RBX1: variants seen among roughly 807,000 people sequenced by gnomAD.
RBX1 encodes ring-box 1.
For missense variants in RBX1, 46 were observed against 141.4 expected (o/e 0.33, Z 3.42); for synonymous variants, 48 against 47.9 (o/e 1.00, Z -0.01).
Position 40,953,590 on chromosome 22 carries a change from G to A in RBX1, c.114G>A (p.Val38=). 6.2e-7 allele frequency: 1 copy of A among 1,611,270 alleles called. No individual in the cohort carries two copies. Among genetic ancestry groups the A allele is most frequent in the Non-Finnish European group, 8.5e-7 (1 of 1,177,922 alleles). The change falls in exon 2 of 5, where the codon GTG becomes GTA. Residue 38 remains valine (V), a synonymous_variant. Transcript: ENST00000216225. ...NAVALWAWDI[V]VDNCAICRNH... ...TAGCCCTCTGGGCCTGGGATATTGT[G>A]GTTGATAACTGTGCCATCTGCAGGA...
At chr22:40,965,431 T>G in intron 3 of RBX1, among the ~76,000 whole-genome samples, 1 of 151,506 alleles carries the variant, frequency 6.6e-6, no homozygotes, top group Non-Finnish European at 1.5e-5. Flanking sequence ...TGTTTTTTTT[T>G]TTGTTTTTTG....
chr22:40,957,586 C>A (rs558761283), intron 2 of RBX1, among the ~76,000 whole-genome samples: 1 of 151,992 alleles, frequency 6.6e-6, no homozygotes, highest in Admixed American at 6.5e-5. Context: ...GACAGTGAGT[C>A]AAGATTTTGC....
At chr22:40,966,002 C>G (rs1352396157) in intron 3 of RBX1, among the ~76,000 whole-genome samples, 1 of 152,150 alleles carries the variant, frequency 6.6e-6, no homozygotes, top group Non-Finnish European at 1.5e-5. Flanking sequence ...AGAGAGCCAG[C>G]ATGGTGTGGC....
At chr22:40,959,791 G>T (rs906933039) in intron 2 of RBX1, among the ~76,000 whole-genome samples, 4 of 151,800 alleles carry the variant, frequency 2.6e-5, no homozygotes, top group Admixed American at 2.6e-4. Context: ...GGCCTGGGGG[G>T]ACAAAGCTAG....
intron 2 of RBX1, among the ~76,000 whole-genome samples, chr22:40,955,215 T>C (rs976412411): frequency 2.0e-5 from 3 of 152,108 alleles, no homozygotes; most frequent in Non-Finnish European, 4.4e-5. Flanking sequence ...CCAATCTGAA[T>C]GTAAGCCAGT....
chr22:40,951,554 C>A lies in RBX1; in HGVS notation c.78+78C>A, dbSNP rs2058310364. 4.3e-6 allele frequency: 6 copies of A among 1,398,512 alleles called. No homozygotes were observed. The South Asian group carries it at 7.3e-5, about 17-fold the overall frequency. The allele number at this position is 1,398,512 out of a possible 1,614,324, so 86.6% of individuals were successfully genotyped here. ...CTGGCAGGCCCGAGGATGGTCGAGG[C>A]GCGGAGTAAAGGGTTTCATTTCAGG... On this transcript the variant is annotated intron_variant, in intron 1 of 4. Coordinates refer to ENST00000216225, the MANE Select transcript of RBX1 (RefSeq NM_014248.4).
At chr22:40,961,650 C>T (rs2058340781) in intron 2 of RBX1, among the ~76,000 whole-genome samples, 2 of 151,982 alleles carry the variant, frequency 1.3e-5, no homozygotes, top group Non-Finnish European at 2.9e-5. Context: ...GTGACCCACC[C>T]GCCTCAGCCT....
At chr22:40,953,887 A>G (rs532953166) in intron 2 of RBX1, among the ~76,000 whole-genome samples, 2 of 152,346 alleles carry the variant, frequency 1.3e-5, no homozygotes, top group Admixed American at 6.5e-5. Flanking sequence ...ATTGTGGACG[A>G]CAGGCACTGT....
intron 4 of RBX1, among the ~76,000 whole-genome samples, chr22:40,970,639 G>A (rs1302684982): frequency 1.3e-5 from 2 of 151,924 alleles, no homozygotes; most frequent in Non-Finnish European, 2.9e-5. Context: ...CTTCCTGCAC[G>A]TTGCTTTATT....
chr22:40,963,118 G>T (rs968005834), intron 2 of RBX1, among the ~76,000 whole-genome samples: 5 of 151,718 alleles, frequency 3.3e-5, no homozygotes, highest in Admixed American at 2.6e-4. Context: ...GGGATTACAG[G>T]TGTGAGCCAC....
chr22:40,962,399 C>T (rs1601537369), intron 2 of RBX1, among the ~76,000 whole-genome samples: 1 of 151,674 alleles, frequency 6.6e-6, no homozygotes. Flanking sequence ...TCCACATTTT[C>T]GAAGAGTGAA....
intron 1 of RBX1, 33 bp downstream of exon 1, chr22:40,951,509 C>T: frequency 6.2e-7 from 1 of 1,601,966 alleles, no homozygotes; most frequent in Non-Finnish European, 8.5e-7. Flanking sequence ...CTCAGGGAAG[C>T]TAGAGAGGCG....
chr22:40,953,699 G>A, intron 2 of RBX1, 66 bp downstream of exon 2: 1 of 1,133,272 alleles, frequency 8.8e-7, no homozygotes, highest in East Asian at 2.4e-5. Context: ...ATCTTGATGT[G>A]ACTGATTTTC....
chr22:40,952,434 T>C (rs2058313637), intron 1 of RBX1, among the ~76,000 whole-genome samples: 1 of 152,188 alleles, frequency 6.6e-6, no homozygotes, highest in Non-Finnish European at 1.5e-5. Context: ...TGGTGTCTCA[T>C]TGTGGCCACT....
chr22:40,968,705 G>A (rs890181585), intron 4 of RBX1, among the ~76,000 whole-genome samples: 1 of 152,120 alleles, frequency 6.6e-6, no homozygotes, highest in Non-Finnish European at 1.5e-5. Context: ...CCCCTGCTCC[G>A]GCTTGCTGGA....
intron 4 of RBX1, 70 bp from the exon 5 acceptor site, chr22:40,972,406 T>A (rs1325880348): frequency 7.1e-6 from 9 of 1,273,618 alleles, no homozygotes; most frequent in Non-Finnish European, 1.0e-5. Flanking sequence ...CTTATGTGTT[T>A]AAGCAGGTTT....
intron 1 of RBX1, among the ~76,000 whole-genome samples, chr22:40,952,351 G>C (rs986535753): frequency 6.6e-6 from 1 of 152,174 alleles, no homozygotes; most frequent in Non-Finnish European, 1.5e-5. Context: ...TCAAAATGGA[G>C]ATTCTAAAAT....
At chr22:40,956,832 G>A (rs946569242) in intron 2 of RBX1, among the ~76,000 whole-genome samples, 5 of 148,430 alleles carry the variant, frequency 3.4e-5, no homozygotes, top group Non-Finnish European at 6.0e-5. Context: ...TCCAGAGATC[G>A]AGACCATCCT....
chr22:40,966,035 G>C (rs2058353520), intron 3 of RBX1, among the ~76,000 whole-genome samples: 1 of 152,118 alleles, frequency 6.6e-6, no homozygotes, highest in Non-Finnish European at 1.5e-5. Context: ...ATTAGTCCTG[G>C]GTTCTAGTTC....
Sources: allele counts gnomAD v4.1 joint callset (sites outside exome capture counted in the v4.1 genomes callset), GRCh38; gene constraint gnomAD v4.1.1; transcripts MANE v1.5; gene names NCBI Gene and HGNC (gene_info 2026-07-23, HGNC 2026-07-21).